The following IQCM variants were observed in gnomAD, a reference collection of about 807,000 sequenced individuals.
IQCM encodes IQ motif containing M, also known as IQ domain-containing protein M.
Under a neutral mutation model 57.6 loss-of-function variants are expected in IQCM, and 45 were observed. The ratio of observed to expected loss-of-function variants is 0.78; its 90% confidence interval spans 0.62 to 1.00. The LOEUF is 1.00. IQCM is among the 50% of genes least tolerant of loss of function. The pLI is 0.00. For synonymous variants in IQCM, 148 were observed against 158.9 expected, an observed-to-expected ratio of 0.93 and a Z score of 0.51; for missense variants, 468 against 511.6, an observed-to-expected ratio of 0.91 and a Z score of 0.82.
intron 12 of IQCM, among the ~76,000 whole-genome samples, chr4:149,477,304 T>C (rs1310904610): frequency 1.3e-5 from 2 of 152,176 alleles, no homozygotes; most frequent in Non-Finnish European, 2.9e-5. Context: ...AAATGAGGAC[T>C]GACGCTCAGG....
chr4:149,532,509 CTTT>C (rs760116885), intron 12 of IQCM, among the ~76,000 whole-genome samples: 13 of 123,024 alleles, frequency 1.1e-4, no homozygotes, highest in Non-Finnish European at 1.0e-4. Context: ...GGATAATTAT[CTTT>C]TTTTTTTTTT....
chr4:149,469,824 T>G (rs1438748346), intron 12 of IQCM, among the ~76,000 whole-genome samples: 1 of 152,176 alleles, frequency 6.6e-6, no homozygotes, highest in Non-Finnish European at 1.5e-5. Flanking sequence ...ATATTCAACA[T>G]TGTTAAAGAA....
intron 9 of IQCM, among the ~76,000 whole-genome samples, chr4:149,567,232 C>A (rs371208318): frequency 1.3e-5 from 2 of 152,038 alleles, no homozygotes; most frequent in African/African-American, 2.4e-5. Context: ...TAGTTATTTG[C>A]GTCTCTGTTA....
In IQCM at chr4:149,775,900, T is replaced by C. The variant is rs78862008; in HGVS notation, c.-48-33161A>G. Among the ~76,000 whole-genome samples, 705 of 152,272 alleles carry C rather than the reference T, an allele frequency of 4.6e-3. 5 individuals carry two copies. Among genetic ancestry groups the C allele is most frequent in the African/African-American group, 0.016 (674 of 41,580 alleles). On this transcript the variant is annotated intron_variant, in intron 2 of 13. Transcript: ENST00000636793. ...ACACAAAGGTGGAGAGCTATCCCTG[T>C]CCTCAGTCAGTTTTCAATCTACCCA... is the stretch of plus-strand genomic sequence containing the variant.
chr4:149,599,851 T>G (rs571597872), intron 8 of IQCM, among the ~76,000 whole-genome samples: 1 of 152,324 alleles, frequency 6.6e-6, no homozygotes, highest in Non-Finnish European at 1.5e-5. Context: ...TTGTTACTAA[T>G]TTTTTATTGG....
At chr4:149,798,559 T>G (rs1202108203) in intron 2 of IQCM, among the ~76,000 whole-genome samples, 1 of 151,836 alleles carries the variant, frequency 6.6e-6, no homozygotes, top group Non-Finnish European at 1.5e-5. Flanking sequence ...AGTAGTTGAA[T>G]GAATGAAAAA....
intron 13 of IQCM, among the ~76,000 whole-genome samples, chr4:149,391,250 T>A (rs537299076): frequency 6.6e-6 from 1 of 152,046 alleles, no homozygotes; most frequent in East Asian, 1.9e-4. Context: ...TGGGGATCTG[T>A]CCATTTTATT....
intron 2 of IQCM, among the ~76,000 whole-genome samples, chr4:149,813,103 C>CA (rs200006292): frequency 0.022 from 3,341 of 151,964 alleles, 61 homozygotes; most frequent in South Asian, 0.035. Context: ...GGTTACTTCA[C>CA]AAAAAAAGCA....
At chr4:149,651,367 G>T (rs1318884814) in intron 7 of IQCM, among the ~76,000 whole-genome samples, 3 of 152,088 alleles carry the variant, frequency 2.0e-5, no homozygotes, top group African/African-American at 4.8e-5. Flanking sequence ...TTGAAGCAGG[G>T]GTAAGAAGAG....
chr4:149,555,658 A>C (rs1393785249), intron 10 of IQCM, among the ~76,000 whole-genome samples: 1 of 152,172 alleles, frequency 6.6e-6, no homozygotes, highest in Non-Finnish European at 1.5e-5. Flanking sequence ...ACAATATCCT[A>C]TTCAACATCT....
intron 13 of IQCM, among the ~76,000 whole-genome samples, chr4:149,355,280 A>G (rs1340874825): frequency 6.6e-6 from 1 of 152,100 alleles, no homozygotes; most frequent in Non-Finnish European, 1.5e-5. Flanking sequence ...TTTAGGGTAC[A>G]TGTACAGAAC....
At chr4:149,534,770 G>A (rs994923432) in intron 12 of IQCM, among the ~76,000 whole-genome samples, 2 of 151,958 alleles carry the variant, frequency 1.3e-5, no homozygotes, top group Non-Finnish European at 2.9e-5. Context: ...ATTTCAATAT[G>A]AAAACTGAAT....
chr4:149,535,367 T>A (rs1450040715), intron 12 of IQCM, among the ~76,000 whole-genome samples: 1 of 152,048 alleles, frequency 6.6e-6, no homozygotes, highest in Admixed American at 6.6e-5. Flanking sequence ...CAGAGACTTG[T>A]ATGGCTAAGT....
intron 5 of IQCM, among the ~76,000 whole-genome samples, chr4:149,723,271 G>T (rs148493338): frequency 2.0e-5 from 3 of 151,760 alleles, no homozygotes; most frequent in Admixed American, 6.6e-5. Flanking sequence ...ATTTGGATGC[G>T]TCTTATTTCT....
intron 7 of IQCM, among the ~76,000 whole-genome samples, chr4:149,626,924 A>C (rs566620800): frequency 1.8e-4 from 28 of 152,218 alleles, no homozygotes; most frequent in African/African-American, 6.3e-4. Context: ...ATATCTCCCA[A>C]GGAAAAAAAT....
At chr4:149,541,073 G>C (rs1179754465) in intron 12 of IQCM, among the ~76,000 whole-genome samples, 1 of 152,046 alleles carries the variant, frequency 6.6e-6, no homozygotes, top group African/African-American at 2.4e-5. Flanking sequence ...CGATTAGAGT[G>C]CCTGTTCATG....
intron 9 of IQCM, among the ~76,000 whole-genome samples, chr4:149,566,549 AAGAG>A (rs1365813465): frequency 6.6e-6 from 1 of 152,050 alleles, no homozygotes; most frequent in Non-Finnish European, 1.5e-5. Context: ...GTGACAAAGA[AAGAG>A]AGACACAGAC....
intron 5 of IQCM, among the ~76,000 whole-genome samples, chr4:149,714,912 G>A (rs1239462904): frequency 1.3e-5 from 2 of 152,102 alleles, no homozygotes; most frequent in South Asian, 2.1e-4. Context: ...TAATTGGTAT[G>A]GGGCAAGATT....
intron 2 of IQCM, among the ~76,000 whole-genome samples, chr4:149,778,463 A>C (rs911815490): frequency 2.6e-5 from 4 of 152,208 alleles, no homozygotes; most frequent in Non-Finnish European, 4.4e-5. Context: ...AATTTATAGC[A>C]CTGAATGCTT....
Sources: allele counts gnomAD v4.1 joint callset (sites outside exome capture counted in the v4.1 genomes callset), GRCh38; gene constraint gnomAD v4.1.1; transcripts MANE v1.5; gene names NCBI Gene and HGNC (gene_info 2026-07-23, HGNC 2026-07-21).